Variants in FSIP1 observed in about 807,000 individuals in gnomAD.
The protein encoded by FSIP1 is fibrous sheath-interacting protein 1.
In FSIP1, 65 loss-of-function variants were observed where a neutral mutation model predicts 60.9. The ratio of observed to expected loss-of-function variants is 1.07; its 90% CI spans 0.87 to 1.31. The LOEUF is 1.31. Among genes scored for constraint, FSIP1 ranks in the 40% most tolerant of loss-of-function variants. The pLI is 0.00. For missense variants in FSIP1, 675 were observed against 665.5 expected (o/e 1.01, Z -0.16); for synonymous variants, 209 against 221.2 (o/e 0.94, Z 0.49).
intron 10 of FSIP1, among the ~76,000 whole-genome samples, chr15:39,692,706 C>G (rs1161761718): frequency 1.3e-5 from 2 of 150,854 alleles, no homozygotes; most frequent in Non-Finnish European, 2.9e-5. Flanking sequence ...ATGGATTAGG[C>G]TAATTCCTGG....
chr15:39,719,496 AG>A (rs1489625016), intron 9 of FSIP1, among the ~76,000 whole-genome samples: 1 of 152,232 alleles, frequency 6.6e-6, no homozygotes, highest in Non-Finnish European at 1.5e-5. Context: ...CTAGGCCAAA[AG>A]GGATCTTTGA....
intron 5 of FSIP1, among the ~76,000 whole-genome samples, chr15:39,748,509 C>A (rs1216453736): frequency 6.6e-6 from 1 of 152,146 alleles, no homozygotes; most frequent in Non-Finnish European, 1.5e-5. Flanking sequence ...GCAAACTTGG[C>A]CCCTGGCATA....
At chr15:39,765,975 T>A (rs1897672196) in intron 3 of FSIP1, among the ~76,000 whole-genome samples, 1 of 152,238 alleles carries the variant, frequency 6.6e-6, no homozygotes, top group African/African-American at 2.4e-5. Context: ...ACAGTTGAGA[T>A]AACTGGGTCC....
At chr15:39,761,236 C>T (rs1897486943) in intron 5 of FSIP1, among the ~76,000 whole-genome samples, 1 of 152,124 alleles carries the variant, frequency 6.6e-6, no homozygotes, top group Non-Finnish European at 1.5e-5. Context: ...TACCCAAAAG[C>T]TTTGGAATTC....
At chr15:39,751,490 C>G (rs533374550) in intron 5 of FSIP1, among the ~76,000 whole-genome samples, 1 of 150,688 alleles carries the variant, frequency 6.6e-6, no homozygotes, top group Non-Finnish European at 1.5e-5. Context: ...GGAGAACCTG[C>G]CTTTTGCCAC....
chr15:39,685,511 T>C (rs913567862), intron 10 of FSIP1, among the ~76,000 whole-genome samples: 1 of 152,194 alleles, frequency 6.6e-6, no homozygotes, highest in Non-Finnish European at 1.5e-5. Flanking sequence ...AAACAAAACA[T>C]ACAACACCCT....
At chr15:39,741,743 T>C in intron 6 of FSIP1, 62 bp downstream of exon 6, 1 of 813,456 alleles carries the variant, frequency 1.2e-6, no homozygotes. Flanking sequence ...TTTATGAATA[T>C]TTCTGTATAC....
chr15:39,633,088 C>CTTTTTTTTTTTTTT (rs1169438152), intron 10 of FSIP1, among the ~76,000 whole-genome samples: 1 of 120,712 alleles, frequency 8.3e-6, no homozygotes, highest in African/African-American at 3.6e-5. Context: ...ATAGGCTATA[C>CTTTTTTTTTTTTTT]TTCTTTTTTT....
chr15:39,662,999 A>C (rs1019136281), intron 10 of FSIP1, among the ~76,000 whole-genome samples: 2 of 152,194 alleles, frequency 1.3e-5, no homozygotes, highest in Admixed American at 1.3e-4. Flanking sequence ...ATAATCTTAG[A>C]CAGCAACCTT....
chr15:39,777,019 A>T (rs1898086226), intron 1 of FSIP1, among the ~76,000 whole-genome samples: 1 of 151,530 alleles, frequency 6.6e-6, no homozygotes, highest in Non-Finnish European at 1.5e-5. Flanking sequence ...TCTGCCTCCC[A>T]GGTTCAAGCA....
At chr15:39,644,157 G>A (rs867947933) in intron 10 of FSIP1, among the ~76,000 whole-genome samples, 4 of 152,070 alleles carry the variant, frequency 2.6e-5, no homozygotes, top group South Asian at 2.1e-4. Context: ...CTGAAATTTC[G>A]CCTATAGGCT....
intron 10 of FSIP1, among the ~76,000 whole-genome samples, chr15:39,677,869 G>T (rs2140481003): frequency 6.6e-6 from 1 of 152,150 alleles, no homozygotes; most frequent in African/African-American, 2.4e-5. Flanking sequence ...GGTGGTGTAT[G>T]CCTGTAGTCC....
intron 2 of FSIP1, among the ~76,000 whole-genome samples, chr15:39,771,978 G>C (rs1439173006): frequency 1.3e-5 from 2 of 152,104 alleles, no homozygotes; most frequent in African/African-American, 2.4e-5. Context: ...GTTTCACATG[G>C]GGGAATAAAG....
chr15:39,632,320 A>T (rs1891928449), intron 10 of FSIP1, among the ~76,000 whole-genome samples: 1 of 151,924 alleles, frequency 6.6e-6, no homozygotes, highest in Admixed American at 6.6e-5. Context: ...GGGACTACAG[A>T]TACGCACCAC....
At chr15:39,741,091 T>C (rs374241899) in intron 6 of FSIP1, among the ~76,000 whole-genome samples, 1 of 152,366 alleles carries the variant, frequency 6.6e-6, no homozygotes, top group South Asian at 2.1e-4. Context: ...ATTCAAGTTG[T>C]ATACAGTCTT....
chr15:39,634,551 C>A (rs906932393), intron 10 of FSIP1, among the ~76,000 whole-genome samples: 2 of 152,214 alleles, frequency 1.3e-5, no homozygotes, highest in African/African-American at 4.8e-5. Context: ...CATAACTCAG[C>A]CCTATTTGTC....
chr15:39,620,033 A>C (rs1891385321), intron 10 of FSIP1, among the ~76,000 whole-genome samples: 1 of 152,212 alleles, frequency 6.6e-6, no homozygotes, highest in Admixed American at 6.5e-5. Context: ...ATGAAGCAGA[A>C]GGAAAATCAA....
intron 7 of FSIP1, among the ~76,000 whole-genome samples, chr15:39,738,559 T>C (rs1896697016): frequency 6.6e-6 from 1 of 152,220 alleles, no homozygotes; most frequent in Non-Finnish European, 1.5e-5. Context: ...TTCTTTGGGG[T>C]ACTTATCCAC....
chr15:39,700,632 TGAA>T (rs1424051997), intron 10 of FSIP1, among the ~76,000 whole-genome samples: 2 of 152,188 alleles, frequency 1.3e-5, no homozygotes, highest in Non-Finnish European at 2.9e-5. Context: ...TACAAACATA[TGAA>T]GGGATGTCCT....
Sources: allele counts gnomAD v4.1 joint callset (sites outside exome capture counted in the v4.1 genomes callset), GRCh38; gene constraint gnomAD v4.1.1; transcripts MANE v1.5; gene names NCBI Gene and HGNC (gene_info 2026-07-23, HGNC 2026-07-21).